Variants in RAB11A observed in about 807,000 individuals in gnomAD.
RAB11A encodes the protein ras-related protein Rab-11A.
Under a neutral mutation model 28.0 loss-of-function variants are expected in RAB11A, and 9 were observed. The observed-to-expected ratio is 0.32, with a 90% CI of 0.19 to 0.56. The LOEUF (loss-of-function observed/expected upper bound fraction) is 0.56. Among genes scored for constraint, RAB11A ranks in the 20% least tolerant of loss-of-function variants. The pLI is 0.91. For synonymous variants in RAB11A, 85 were observed against 88.2 expected, an observed-to-expected ratio of 0.96 and a Z score of 0.20; for missense variants, 108 against 269.6, an observed-to-expected ratio of 0.40 and a Z score of 4.20.
intron 3 of RAB11A, among the ~76,000 whole-genome samples, chr15:65,879,415 G>A (rs911892717): frequency 6.6e-6 from 1 of 151,934 alleles, no homozygotes. Context: ...GGAGATGGAG[G>A]CAGGAGAAAC....
chr15:65,878,730 T>A (rs1488912823), intron 3 of RAB11A, among the ~76,000 whole-genome samples: 1 of 152,212 alleles, frequency 6.6e-6, no homozygotes, highest in East Asian at 1.9e-4. Flanking sequence ...GCCTTTGCAC[T>A]AATGCTTATG....
chr15:65,871,616 T>G (rs1032361413), intron 1 of RAB11A, among the ~76,000 whole-genome samples: 3 of 152,218 alleles, frequency 2.0e-5, no homozygotes, highest in African/African-American at 7.2e-5. Context: ...CAAAGAATAT[T>G]AAATATTCTG....
At chr15:65,876,583 C>CTGGG (rs1389302696) in intron 1 of RAB11A, among the ~76,000 whole-genome samples, 19 of 152,328 alleles carry the variant, frequency 1.2e-4, no homozygotes, top group Admixed American at 2.6e-4. Context: ...AGGTGTGAGC[C>CTGGG]ACCACACCCG....
Position 65,889,085 on chromosome 15 carries a change from G to T in RAB11A, c.*1245G>T, listed in dbSNP as rs987966362. ...CACTAATATTTAGTTTTGCTTTCTC[G>T]TGGATAATATTAAGCACTTACTCTG... On this transcript the variant is annotated 3_prime_UTR_variant, in exon 5 of 5. Coordinates refer to ENST00000261890, the MANE Select transcript of RAB11A (RefSeq NM_004663.5). 1 of 152,608 alleles carries T rather than the reference G, an allele frequency of 6.6e-6. No individual in the cohort carries two copies. The highest frequency in any genetic ancestry group is 1.5e-5 in the Non-Finnish European group (1 of 68,042). 9.5% of individuals were successfully genotyped at this position (152,608 alleles called of 1,614,324 possible).
At chr15:65,880,510 A>G (rs1477447497) in intron 4 of RAB11A, among the ~76,000 whole-genome samples, 1 of 152,226 alleles carries the variant, frequency 6.6e-6, no homozygotes, top group Admixed American at 6.5e-5. Context: ...CTTAATATAT[A>G]GTATAGTTTT....
chr15:65,878,931 G>A (rs1355006306), intron 3 of RAB11A, among the ~76,000 whole-genome samples: 1 of 151,504 alleles, frequency 6.6e-6, no homozygotes, highest in Non-Finnish European at 1.5e-5. Flanking sequence ...TCACTAGTGA[G>A]TAGTACTTAG....
In RAB11A at chr15:65,869,567, T is replaced by G. The variant is rs1359470784; in HGVS notation, c.-19T>G. 1.2e-6 allele frequency: 2 copies of G among 1,609,916 alleles called. No individual in the cohort carries two copies. The highest frequency in any genetic ancestry group is 2.2e-5 in the South Asian group (2 of 91,034). ...CAGATACCACTGCTGCTCCCGCCCT[T>G]TCGCTCCTCGGCCGCGCAATGGGCA... On this transcript the variant is annotated 5_prime_UTR_variant, in exon 1 of 5. Transcript: ENST00000261890.
chr15:65,882,748 G>A (rs1417820492), intron 4 of RAB11A, among the ~76,000 whole-genome samples: 1 of 152,176 alleles, frequency 6.6e-6, no homozygotes, highest in Non-Finnish European at 1.5e-5. Context: ...TAGTTTACTA[G>A]TATGAGAGTG....
intron 3 of RAB11A, among the ~76,000 whole-genome samples, chr15:65,879,434 C>T (rs2078208446): frequency 2.0e-5 from 3 of 152,104 alleles, no homozygotes; most frequent in Middle Eastern, 3.4e-3. Flanking sequence ...ACTCTTGAGG[C>T]CAGGAGTTCA....
At chr15:65,882,488 A>C (rs2078229123) in intron 4 of RAB11A, among the ~76,000 whole-genome samples, 1 of 152,240 alleles carries the variant, frequency 6.6e-6, no homozygotes, top group African/African-American at 2.4e-5. Flanking sequence ...GATGGAGCCC[A>C]GTCTGGTCTT....
chr15:65,875,773 CTT>C (rs1186671531), intron 1 of RAB11A, among the ~76,000 whole-genome samples: 1 of 152,230 alleles, frequency 6.6e-6, no homozygotes, highest in Non-Finnish European at 1.5e-5. Context: ...AATGGACTCT[CTT>C]TGCCCTCTGA....
At chr15:65,872,845 T>G (rs1950721234) in intron 1 of RAB11A, among the ~76,000 whole-genome samples, 1 of 152,236 alleles carries the variant, frequency 6.6e-6, no homozygotes, top group Non-Finnish European at 1.5e-5. Flanking sequence ...GTATCCTACT[T>G]TAAAGTGAAG....
At chr15:65,881,877 T>TAAAA (rs57352123) in intron 4 of RAB11A, among the ~76,000 whole-genome samples, 26 of 86,368 alleles carry the variant, frequency 3.0e-4, no homozygotes, top group Non-Finnish European at 5.8e-4. Context: ...ACCCTGTCTC[T>TAAAA]AAAAAAAAAA....
At chr15:65,886,064 G>A (rs921071774) in intron 4 of RAB11A, among the ~76,000 whole-genome samples, 1 of 152,258 alleles carries the variant, frequency 6.6e-6, no homozygotes, top group South Asian at 2.1e-4. Context: ...AGTGGGTCTG[G>A]ATCTCAGGCA....
At chr15:65,872,915 C>T (rs957694417) in intron 1 of RAB11A, among the ~76,000 whole-genome samples, 4 of 152,144 alleles carry the variant, frequency 2.6e-5, no homozygotes, top group African/African-American at 9.7e-5. Flanking sequence ...CTGAGATGGA[C>T]TGCAGCTGTT....
rs147425802 is a variant in RAB11A, at chr15:65,872,496, G to A, written c.40+2871G>A. On this transcript the variant is annotated intron_variant, in intron 1 of 4. Coordinates refer to ENST00000261890, the MANE Select transcript of RAB11A (RefSeq NM_004663.5). Reference sequence around the variant, plus strand: ...GTTTCCCAGGTTGGAGTGCAATGACGCGATCTCGGCTCATTGCAACCTCTG... The same window carrying A: ...GTTTCCCAGGTTGGAGTGCAATGACACGATCTCGGCTCATTGCAACCTCTG... Among the ~76,000 whole-genome samples the A allele has an allele frequency of 7.9e-3, 1,183 of 149,062 alleles. 18 individuals are homozygous for A. The highest frequency in any genetic ancestry group is 0.028 in the African/African-American group (1,139 of 40,332).
chr15:65,878,397 C>G (rs777950348), intron 3 of RAB11A, among the ~76,000 whole-genome samples: 13 of 152,242 alleles, frequency 8.5e-5, no homozygotes, highest in Middle Eastern at 3.4e-3. Flanking sequence ...TAGTGAAAGT[C>G]TTGCGGCCGG....
chr15:65,891,098 G>T lies in RAB11A; in HGVS notation c.*3258G>T, dbSNP rs117568432. ...AAAGAGAGATTTTTCTTCTGGTTGG[G>T]TGGTGCTGGTGCCACGCCCCTTTCT... is the stretch of plus-strand genomic sequence containing the variant. On this transcript the variant is annotated 3_prime_UTR_variant, in exon 5 of 5. Coordinates refer to ENST00000261890, the MANE Select transcript of RAB11A (RefSeq NM_004663.5). The T allele has an allele frequency of 0.058, 8,827 of 152,288 alleles. 318 individuals are homozygous for T. Among genetic ancestry groups the T allele is most frequent in the Middle Eastern group, 0.092 (27 of 294 alleles). The allele number at this position is 152,288 out of a possible 1,614,324, so 9.4% of individuals were successfully genotyped here.
At chr15:65,882,843 T>G (rs1031774832) in intron 4 of RAB11A, among the ~76,000 whole-genome samples, 1 of 152,240 alleles carries the variant, frequency 6.6e-6, no homozygotes, top group Non-Finnish European at 1.5e-5. Flanking sequence ...AATACATACC[T>G]TTTACTTTTT....
Sources: gnomAD v4.1 joint callset for allele counts (sites outside exome capture counted in the v4.1 genomes callset) on GRCh38, gnomAD v4.1.1 for gene constraint, MANE v1.5 for transcripts, NCBI Gene and HGNC (gene_info 2026-07-23, HGNC 2026-07-21) for gene names.